Variants in NRG3 observed in about 807,000 individuals in gnomAD.
NRG3 encodes neuregulin 3.
Under a neutral mutation model 66.9 loss-of-function variants are expected in NRG3, and 31 were observed. The observed-to-expected ratio is 0.46, with a 90% CI of 0.35 to 0.63. NRG3 has a LOEUF of 0.63. NRG3 is among the 20% of genes least tolerant of loss of function. The probability of loss-of-function intolerance (pLI) is 0.00; values close to 1 mark genes in which losing one functional copy is unlikely to be tolerated. For synonymous variants in NRG3, 393 were observed against 359.4 expected (o/e 1.09, Z -1.06); for missense variants, 910 against 878.9 (o/e 1.04, Z -0.45).
At position 82,526,205 on chromosome 10, in the gene NRG3, C is replaced by T. The variant is rs1282853310; in HGVS notation, c.953+167337C>T. Among the ~76,000 whole-genome samples the T allele has an allele frequency of 2.7e-5, 4 of 150,376 alleles. No homozygotes were observed. The East Asian group carries it at 7.7e-4, about 29-fold the overall frequency. On this transcript the variant is annotated intron_variant, in intron 2 of 8. Transcript: ENST00000372141. Reference sequence around the variant, plus strand: ...AAAGGAATATAAATAGGTAAATTAACTTCAGAAATTATGTCACAAAAATTG... The same window carrying T: ...AAAGGAATATAAATAGGTAAATTAATTTCAGAAATTATGTCACAAAAATTG...
At chr10:82,569,930 C>T (rs982767972) in intron 2 of NRG3, among the ~76,000 whole-genome samples, 1 of 151,614 alleles carries the variant, frequency 6.6e-6, no homozygotes, top group South Asian at 2.1e-4. Context: ...ATAAGTCTTG[C>T]AATTTTCCAG....
At chr10:82,317,644 T>G (rs573972768) in intron 1 of NRG3, among the ~76,000 whole-genome samples, 1 of 152,278 alleles carries the variant, frequency 6.6e-6, no homozygotes, top group Non-Finnish European at 1.5e-5. Context: ...GCTTCAAGAG[T>G]GCTGGATGAA....
chr10:82,022,615 T>G (rs2062112861), intron 1 of NRG3, among the ~76,000 whole-genome samples: 1 of 152,114 alleles, frequency 6.6e-6, no homozygotes, highest in Non-Finnish European at 1.5e-5. Context: ...CTTTAGATAC[T>G]GACCTAAATT....
intron 2 of NRG3, among the ~76,000 whole-genome samples, chr10:82,369,889 A>T (rs2135724169): frequency 7.2e-6 from 1 of 138,096 alleles, no homozygotes; most frequent in Non-Finnish European, 1.5e-5. Flanking sequence ...TAATGAAACG[A>T]GAGAGTTCCC....
intron 2 of NRG3, among the ~76,000 whole-genome samples, chr10:82,517,132 AT>A (rs1051972534): frequency 8.6e-5 from 13 of 151,656 alleles, no homozygotes; most frequent in Non-Finnish European, 1.5e-4. Context: ...TATCTGACAG[AT>A]TTTTTTTTCA....
At chr10:82,386,604 G>A (rs980341835) in intron 2 of NRG3, among the ~76,000 whole-genome samples, 14 of 152,044 alleles carry the variant, frequency 9.2e-5, no homozygotes, top group Non-Finnish European at 1.6e-4. Context: ...CAAAGGTCAT[G>A]AAAAAGTATG....
intron 1 of NRG3, among the ~76,000 whole-genome samples, chr10:82,325,155 TGTA>T (rs2081798118): frequency 6.6e-6 from 1 of 152,166 alleles, no homozygotes; most frequent in Non-Finnish European, 1.5e-5. Flanking sequence ...TTTATCATTA[TGTA>T]GTATCATTAC....
chr10:82,391,054 C>CA lies in NRG3; in HGVS notation c.953+32187dup, dbSNP rs1379951624. Among the ~76,000 whole-genome samples, 3 of 152,158 alleles carry CA rather than the reference C, an allele frequency of 2.0e-5. No individual in the cohort carries two copies. The East Asian group carries it at 5.8e-4, about 29-fold the overall frequency. ...TGTCTATGTAATTACTAAACAAGGA[C>CA]ATTTTTTAGCTTTTGGCTCAAGTGA... On this transcript the variant is annotated intron_variant, in intron 2 of 8. Coordinates refer to ENST00000372141, the MANE Select transcript of NRG3 (RefSeq NM_001010848.4).
intron 2 of NRG3, among the ~76,000 whole-genome samples, chr10:82,583,571 A>C (rs929523938): frequency 6.6e-6 from 1 of 152,208 alleles, no homozygotes; most frequent in Non-Finnish European, 1.5e-5. Flanking sequence ...AGCTTTAAAC[A>C]TTACGCTTGT....
intron 1 of NRG3, among the ~76,000 whole-genome samples, chr10:81,923,686 A>G (rs1025813363): frequency 2.0e-5 from 3 of 151,698 alleles, no homozygotes; most frequent in Non-Finnish European, 4.4e-5. Flanking sequence ...CATCTTCTCC[A>G]AGACCCCCGG....
chr10:82,049,147 A>T (rs546246365), intron 1 of NRG3, among the ~76,000 whole-genome samples: 1 of 152,262 alleles, frequency 6.6e-6, no homozygotes, highest in South Asian at 2.1e-4. Context: ...GTATAGGAAG[A>T]ATAAGTATAT....
chr10:82,783,015 C>A (rs1182585843), intron 3 of NRG3, among the ~76,000 whole-genome samples: 3 of 152,176 alleles, frequency 2.0e-5, no homozygotes, highest in African/African-American at 7.2e-5. Flanking sequence ...CCACCATGAT[C>A]AAGTGGGCTT....
chr10:82,011,876 T>C (rs567244550), intron 1 of NRG3, among the ~76,000 whole-genome samples: 52 of 152,270 alleles, frequency 3.4e-4, no homozygotes, highest in Non-Finnish European at 6.5e-4. Flanking sequence ...CCAGCTGCTT[T>C]CAGAGGCTGG....
chr10:82,132,494 T>TATATGATATATATATG (rs2068940501), intron 1 of NRG3, among the ~76,000 whole-genome samples: 1 of 44,380 alleles, frequency 2.3e-5, no homozygotes, highest in African/African-American at 1.1e-4. Context: ...ATATATATGA[T>TATATGATATATATATG]ATATATATAT....
intron 1 of NRG3, among the ~76,000 whole-genome samples, chr10:82,213,920 A>C (rs751769115): frequency 2.0e-4 from 31 of 152,270 alleles, no homozygotes; most frequent in South Asian, 8.3e-4. Context: ...CATTGGTAAG[A>C]ACCCTGGTTC....
chr10:82,042,612 T>C (rs972880266), intron 1 of NRG3, among the ~76,000 whole-genome samples: 5 of 152,076 alleles, frequency 3.3e-5, no homozygotes, highest in African/African-American at 1.2e-4. Flanking sequence ...ACATAATACA[T>C]TTAGAATTGT....
intron 2 of NRG3, among the ~76,000 whole-genome samples, chr10:82,575,193 A>G (rs10884949): frequency 0.1 from 15,616 of 151,794 alleles, 989 homozygotes; most frequent in South Asian, 0.22. Flanking sequence ...TACATTTTTC[A>G]TCTGTTAAAA....
At chr10:82,968,665 G>C (rs77837007) in intron 6 of NRG3, among the ~76,000 whole-genome samples, 4 of 146,710 alleles carry the variant, frequency 2.7e-5, no homozygotes, top group African/African-American at 9.9e-5. Context: ...GGGAGGCAGG[G>C]AGGGAGGGAG....
intron 3 of NRG3, among the ~76,000 whole-genome samples, chr10:82,785,825 G>A (rs1342338574): frequency 1.3e-5 from 2 of 152,182 alleles, no homozygotes; most frequent in Non-Finnish European, 2.9e-5. Flanking sequence ...AGTAAAGCAT[G>A]TTTGAGAGAG....
Sources: gnomAD v4.1 joint callset for allele counts (sites outside exome capture counted in the v4.1 genomes callset) on GRCh38, gnomAD v4.1.1 for gene constraint, MANE v1.5 for transcripts, NCBI Gene and HGNC (gene_info 2026-07-23, HGNC 2026-07-21) for gene names.